STXBP3: variants seen among roughly 807,000 people sequenced by gnomAD.
The protein encoded by STXBP3 is syntaxin-binding protein 3.
In STXBP3, 41 loss-of-function variants were observed where a neutral mutation model predicts 85.7. The observed-to-expected ratio is 0.48, with a 90% confidence interval of 0.37 to 0.62. STXBP3 has a LOEUF of 0.62. STXBP3 is among the 20% of genes least tolerant of loss of function. The probability of loss-of-function intolerance (pLI) is 0.00; values close to 1 mark genes in which losing one functional copy is unlikely to be tolerated. For missense variants in STXBP3, 563 were observed against 703.1 expected (o/e 0.80, Z 2.25); for synonymous variants, 229 against 231.7 (o/e 0.99, Z 0.10).
chr1:108,760,905 GTTT>G (rs770154763), intron 6 of STXBP3, among the ~76,000 whole-genome samples: 4 of 151,732 alleles, frequency 2.6e-5, no homozygotes, highest in South Asian at 2.1e-4. Context: ...TTTTGTTTTT[GTTT>G]TTTTCTTTTT....
intron 7 of STXBP3, among the ~76,000 whole-genome samples, chr1:108,774,869 G>A (rs1299057446): frequency 1.3e-5 from 2 of 151,956 alleles, no homozygotes; most frequent in Non-Finnish European, 2.9e-5. Context: ...GATTGGTTAC[G>A]TTCAGGGAAA....
chr1:108,771,628 CATAT>C (rs1419262804), intron 6 of STXBP3, among the ~76,000 whole-genome samples: 2 of 14,034 alleles, frequency 1.4e-4, no homozygotes, highest in Non-Finnish European at 3.2e-4. Context: ...ATCTATATAT[CATAT>C]ATAAATATAT....
At chr1:108,773,850 T>A (rs1662526461) in intron 7 of STXBP3, among the ~76,000 whole-genome samples, 1 of 152,036 alleles carries the variant, frequency 6.6e-6, no homozygotes, top group Non-Finnish European at 1.5e-5. Flanking sequence ...TTTTTTCCTC[T>A]GCATTATATC....
rs1485588574 is a variant in STXBP3, at chr1:108,771,846, TAC to T, written c.439-817_439-816del. On this transcript the variant is annotated intron_variant, in intron 6 of 18. Coordinates refer to ENST00000370008, the MANE Select transcript of STXBP3 (RefSeq NM_007269.4). The stretch of plus-strand genomic sequence containing the variant: ...TATCTATCTATATATCATATATAAA[TAC>T]ATATGATATCTATCTATATATCATA... Among the ~76,000 whole-genome samples the T allele has an allele frequency of 4.5e-4, 20 of 44,052 alleles. 1 individual carries two copies. Among genetic ancestry groups the T allele is most frequent in the Middle Eastern group, 0.022 (1 of 46 alleles). The allele number at this position is 44,052 out of a possible 152,430, so 28.9% of individuals were successfully genotyped here.
chr1:108,772,642 T>A, intron 6 of STXBP3, 23 bp from the exon 7 acceptor site: 2 of 1,360,464 alleles, frequency 1.5e-6, no homozygotes, highest in Non-Finnish European at 1.9e-6. Context: ...AGATTAACAG[T>A]GAGTTTTTTT....
At chr1:108,749,317 CAT>C (rs776290845) in intron 1 of STXBP3, among the ~76,000 whole-genome samples, 2 of 152,156 alleles carry the variant, frequency 1.3e-5, no homozygotes, top group African/African-American at 2.4e-5. Context: ...CAACTTGAGA[CAT>C]GTAGCTGCTT....
intron 8 of STXBP3, among the ~76,000 whole-genome samples, chr1:108,777,214 A>G (rs971873466): frequency 7.9e-5 from 12 of 152,126 alleles, no homozygotes; most frequent in Non-Finnish European, 1.5e-4. Flanking sequence ...ATACTGTGTA[A>G]TAAGTGGAAT....
At chr1:108,770,493 C>T in intron 6 of STXBP3, among the ~76,000 whole-genome samples, 1 of 71,596 alleles carries the variant, frequency 1.4e-5, no homozygotes, top group South Asian at 3.6e-4. Context: ...AGCATCCTAG[C>T]CTTTTGAGCA....
Position 108,798,247 on chromosome 1 carries a change from A to G in STXBP3, c.1449+10A>G. 6.3e-7 allele frequency: 1 copy of G among 1,598,116 alleles called. No individual in the cohort carries two copies. On this transcript the variant is annotated intron_variant, in intron 16 of 18. Coordinates refer to ENST00000370008, the MANE Select transcript of STXBP3 (RefSeq NM_007269.4). ...CAAAGATATTATGGAGGTAAAAATC[A>G]TTAAAATGTTTTTTTCTACCTGAGT...
At chr1:108,780,795 G>A (rs1383469307) in intron 9 of STXBP3, 65 of 125,086 alleles carry the variant, frequency 5.2e-4, no homozygotes, top group African/African-American at 1.9e-3. Context: ...TTGAGACAGA[G>A]TCTTACTCTG....
Position 108,798,161 on chromosome 1 carries a change from C to G in STXBP3, c.1373C>G (p.Pro458Arg), listed in dbSNP as rs148327440. The change falls in exon 16 of 19, where the codon CCG (proline) becomes CGG (arginine). Residue 458 changes from proline (P) to arginine (R), a missense_variant. Transcript: ENST00000370008. ...PIVPQSQQGK[P>R]LRKDRSAEET... The stretch of plus-strand genomic sequence containing the variant: ...TTGTATTAGTCTCAACAAGGCAAAC[C>G]GTTAAGAAAGGATCGGTCTGCAGAA... 2 of 1,607,854 alleles carry G rather than the reference C, an allele frequency of 1.2e-6. No homozygotes were observed. Among genetic ancestry groups the G allele is most frequent in the East Asian group, 2.2e-5 (1 of 44,578 alleles).
chr1:108,792,470 G>A (rs1014963115), intron 11 of STXBP3, among the ~76,000 whole-genome samples: 1 of 152,118 alleles, frequency 6.6e-6, no homozygotes, highest in Non-Finnish European at 1.5e-5. Context: ...ATTGTATTTA[G>A]AATACCCATC....
chr1:108,758,569 A>T lies in STXBP3; in HGVS notation c.318A>T (p.Ala106=). 1 of 1,531,082 alleles carries T rather than the reference A, an allele frequency of 6.5e-7. No individual in the cohort carries two copies. The highest frequency in any genetic ancestry group is 8.8e-7 in the Non-Finnish European group (1 of 1,132,180). 94.8% of individuals were successfully genotyped at this position (1,531,082 alleles called of 1,614,324 possible). A position where few individuals can be genotyped will look rare whatever the true frequency, so the allele number is the denominator to read the frequency against. ...ASKSENKYKA[A]YIYFTDFCPD... ...AATCGGAGAACAAGTATAAAGCAGC[A>T]TATATTTACTTCACTGACTGTAAGT... The change falls in exon 5 of 19, where the codon GCA becomes GCT. Residue 106 remains alanine (A), a synonymous_variant. Coordinates refer to ENST00000370008, the MANE Select transcript of STXBP3 (RefSeq NM_007269.4).
chr1:108,753,349 A>G (rs1333125), intron 3 of STXBP3: 79,142 of 353,206 alleles, frequency 0.22, 10,232 homozygotes, highest in Non-Finnish European at 0.26. Context: ...CCTCTAACCA[A>G]GCCTAACTTA....
At chr1:108,759,821 A>G (rs951428390) in intron 5 of STXBP3, among the ~76,000 whole-genome samples, 164 bp from the exon 6 acceptor site, 7 of 152,152 alleles carry the variant, frequency 4.6e-5, no homozygotes, top group Non-Finnish European at 8.8e-5. Context: ...TCAGTAGAAT[A>G]TATCTTTTGT....
Position 108,808,766 on chromosome 1 carries a change from CTCT to C in STXBP3, c.1685-15_1685-13del. ...TTTAACTGCTGGCCTCTGAAAAATTCTCTTTTCTCCTACCAGGTTCTACACATG... is the reference window on the plus strand; with the variant it reads ...TTTAACTGCTGGCCTCTGAAAAATTCTTTCTCCTACCAGGTTCTACACATG... On this transcript the variant is annotated splice_polypyrimidine_tract_variant and intron_variant, in intron 18 of 18. Transcript: ENST00000370008. 6.3e-7 allele frequency: 1 copy of C among 1,597,056 alleles called. No homozygotes were observed. Among genetic ancestry groups the C allele is most frequent in the South Asian group, 1.1e-5 (1 of 89,626 alleles).
At chr1:108,776,455 A>G (rs1355868544) in intron 8 of STXBP3, 32 bp downstream of exon 8, 2 of 1,502,196 alleles carry the variant, frequency 1.3e-6, no homozygotes, top group African/African-American at 1.4e-5. Flanking sequence ...ATGACTATGC[A>G]TAAAGTCTGT....
Position 108,760,036 on chromosome 1 carries a change from T to G in STXBP3, c.389T>G (p.Ile130Arg). Residue 130 changes from isoleucine to arginine, a missense_variant, in exon 6 of 19, where the codon ATA becomes AGA. By Grantham distance (97) the Ile-to-Arg change is moderately conservative. This residue lies in a region of STXBP3 where 494 missense variants were observed against 592.8 expected (regional missense o/e 0.83). Transcript: ENST00000370008. ...NKIKASCSKS[I>R]RRCKEINISF... ...ATTAAGGCTTCTTGCTCCAAGTCAATAAGAAGATGTAAAGAAATAAATATT... is the reference window on the plus strand; with the variant it reads ...ATTAAGGCTTCTTGCTCCAAGTCAAGAAGAAGATGTAAAGAAATAAATATT... 1 of 1,574,790 alleles carries G rather than the reference T, an allele frequency of 6.4e-7. No homozygotes were observed. The highest frequency in any genetic ancestry group is 8.6e-7 in the Non-Finnish European group (1 of 1,165,992).
Position 108,746,737 on chromosome 1 carries a change from G to C in STXBP3, c.-1G>C. 6.5e-7 allele frequency: 1 copy of C among 1,550,234 alleles called. No homozygotes were observed. The highest frequency in any genetic ancestry group is 1.2e-5 in the South Asian group (1 of 84,030). On this transcript the variant is annotated 5_prime_UTR_variant, in exon 1 of 19. Transcript: ENST00000370008. ...GGCTGCTGCTCCGCAGTGTCGGGAA[G>C]ATGGCGCCGCCGGTGGCAGAGAGGG... is the stretch of plus-strand genomic sequence containing the variant.
Sources: allele counts gnomAD v4.1 joint callset (sites outside exome capture counted in the v4.1 genomes callset), GRCh38; gene constraint gnomAD v4.1.1; regional missense constraint gnomAD v4.1.1; transcripts MANE v1.5; gene names NCBI Gene and HGNC (gene_info 2026-07-23, HGNC 2026-07-21).